Variants in PLCL1 observed in about 807,000 individuals in gnomAD.
The protein encoded by PLCL1 is inactive phospholipase C-like protein 1.
Under a neutral mutation model 84.4 loss-of-function variants are expected in PLCL1, and 41 were observed. The ratio of observed to expected loss-of-function variants is 0.49; its 90% CI spans 0.38 to 0.63. The LOEUF is 0.63. Among genes scored for constraint, PLCL1 ranks in the 30% least tolerant of loss-of-function variants. The pLI, the probability that PLCL1 is intolerant of heterozygous loss-of-function variation, is 0.00. For missense variants in PLCL1, 1,206 were observed against 1,367.8 expected, an observed-to-expected ratio of 0.88 and a Z score of 1.87; for synonymous variants, 490 against 488.3, an observed-to-expected ratio of 1.00 and a Z score of -0.05.
chr2:197,865,049 C>A (rs1375256054), intron 1 of PLCL1, among the ~76,000 whole-genome samples: 3 of 152,122 alleles, frequency 2.0e-5, no homozygotes, highest in Non-Finnish European at 4.4e-5. Flanking sequence ...TACTTTAGTG[C>A]CCAATTAGAG....
intron 1 of PLCL1, among the ~76,000 whole-genome samples, chr2:198,047,069 TA>T (rs1465101612): frequency 6.6e-6 from 1 of 152,146 alleles, no homozygotes; most frequent in Non-Finnish European, 1.5e-5. Context: ...GCCAGGGTTC[TA>T]AAGGAATCTA....
chr2:198,110,530 C>A (rs774135020), intron 5 of PLCL1, among the ~76,000 whole-genome samples: 3 of 151,806 alleles, frequency 2.0e-5, no homozygotes, highest in Non-Finnish European at 4.4e-5. Context: ...CATTTGAAGT[C>A]TCTGTTCATT....
chr2:198,085,938 G>A lies in PLCL1; in HGVS notation c.2421G>A (p.Glu807=). 2.5e-6 allele frequency: 4 copies of A among 1,614,122 alleles called. No individual in the cohort carries two copies. The highest frequency in any genetic ancestry group is 1.1e-5 in the South Asian group (1 of 91,068). Residue 807 remains glutamate (E), a synonymous_variant, in exon 2 of 6, where the codon GAG becomes GAA. Coordinates refer to ENST00000428675, the MANE Select transcript of PLCL1 (RefSeq NM_006226.4). This position sits in a 1 kb window ranked among gnomAD's most constrained non-coding sequence, Gnocchi z 5.3. The part of the protein sequence containing the change: ...VVLDDDYIGD[E]FIGQYTIPFE... ...TGGATGATGACTACATTGGGGATGA[G>A]TTTATAGGGCAATATACGATACCAT... is the stretch of plus-strand genomic sequence containing the variant.
chr2:197,961,238 G>GGAGAGAGAGAGAGA (rs60411488), intron 1 of PLCL1, among the ~76,000 whole-genome samples: 12,231 of 145,720 alleles, frequency 0.084, 577 homozygotes, highest in Middle Eastern at 0.12. Flanking sequence ...TTGGGAAGGT[G>GGAGAGAGAGAGAGA]GAGAGAGAGA....
chr2:197,933,029 T>C (rs1688972902), intron 1 of PLCL1, among the ~76,000 whole-genome samples: 1 of 152,176 alleles, frequency 6.6e-6, no homozygotes, highest in South Asian at 2.1e-4. Flanking sequence ...AAAGTATGTG[T>C]GAGAGGAGCA....
intron 1 of PLCL1, among the ~76,000 whole-genome samples, chr2:198,009,107 T>C (rs1690804620): frequency 6.6e-6 from 1 of 152,034 alleles, no homozygotes; most frequent in Non-Finnish European, 1.5e-5. Context: ...TTCAGATATA[T>C]TATTTGCAAT....
intron 1 of PLCL1, among the ~76,000 whole-genome samples, chr2:197,894,173 T>G (rs1482325075): frequency 2.6e-5 from 4 of 152,038 alleles, no homozygotes. Flanking sequence ...CATGCCCCGT[T>G]CCTGCCTTAT....
chr2:197,805,261 C>A lies in PLCL1; in HGVS notation c.162C>A (p.Ala54=). 7.9e-7 allele frequency: 1 copy of A among 1,272,496 alleles called. No individual in the cohort carries two copies. The highest frequency in any genetic ancestry group is 9.9e-7 in the Non-Finnish European group (1 of 1,010,824). The allele number at this position is 1,272,496 out of a possible 1,614,324, so 78.8% of individuals were successfully genotyped here. The change falls in exon 1 of 6, where the codon GCC becomes GCA. Residue 54 remains alanine (A), a synonymous_variant. Transcript: ENST00000428675. This position sits in a 1 kb window ranked among gnomAD's most constrained non-coding sequence, Gnocchi z 4.0. The part of the protein sequence containing the change: ...DRRSGVALPG[A]AGTPADSEAG... The stretch of plus-strand genomic sequence containing the variant: ...GCAGCGGGGTCGCACTGCCAGGCGC[C>A]GCGGGGACCCCAGCGGACAGCGAGG...
chr2:198,034,790 G>C (rs1691516732), intron 1 of PLCL1, among the ~76,000 whole-genome samples: 1 of 152,180 alleles, frequency 6.6e-6, no homozygotes, highest in Non-Finnish European at 1.5e-5. Context: ...AGGATCACAT[G>C]TTGTGTTGTG....
At chr2:197,979,736 T>C (rs1010940295) in intron 1 of PLCL1, among the ~76,000 whole-genome samples, 1 of 152,344 alleles carries the variant, frequency 6.6e-6, no homozygotes, top group Admixed American at 6.5e-5. Context: ...AGATTTTCAC[T>C]ACTCCCAGAA....
chr2:197,895,150 T>G (rs1025692587), intron 1 of PLCL1, among the ~76,000 whole-genome samples: 3 of 151,900 alleles, frequency 2.0e-5, no homozygotes, highest in African/African-American at 7.2e-5. Flanking sequence ...CAGATAAAAT[T>G]GTCATAAGTT....
At chr2:198,136,438 T>C (rs1694257263) in intron 5 of PLCL1, among the ~76,000 whole-genome samples, 1 of 152,068 alleles carries the variant, frequency 6.6e-6, no homozygotes, top group Admixed American at 6.5e-5. Flanking sequence ...GAGTGGAGCT[T>C]ATGCTGTAAA....
chr2:197,994,943 G>A (rs1690427538), intron 1 of PLCL1, among the ~76,000 whole-genome samples: 1 of 152,144 alleles, frequency 6.6e-6, no homozygotes, highest in South Asian at 2.1e-4. Context: ...TCATCTCCAT[G>A]CAGAAGCAAG....
At chr2:197,847,586 C>G (rs700682) in intron 1 of PLCL1, among the ~76,000 whole-genome samples, 1 of 152,024 alleles carries the variant, frequency 6.6e-6, no homozygotes, top group African/African-American at 2.4e-5. Flanking sequence ...CCTAAGAGAC[C>G]CAGATATTTG....
chr2:198,114,016 G>T (rs949875261), intron 5 of PLCL1, among the ~76,000 whole-genome samples: 1 of 150,962 alleles, frequency 6.6e-6, no homozygotes, highest in Non-Finnish European at 1.5e-5. Context: ...GAGAGAGAGA[G>T]TTATATAATA....
At chr2:197,893,922 C>G (rs979808447) in intron 1 of PLCL1, among the ~76,000 whole-genome samples, 3 of 151,842 alleles carry the variant, frequency 2.0e-5, no homozygotes, top group African/African-American at 7.2e-5. Flanking sequence ...TTTGCTCTGC[C>G]GTTTTGCATA....
At chr2:197,856,936 G>A (rs1014277837) in intron 1 of PLCL1, among the ~76,000 whole-genome samples, 1 of 151,758 alleles carries the variant, frequency 6.6e-6, no homozygotes, top group Non-Finnish European at 1.5e-5. Flanking sequence ...ACTTTAAGAC[G>A]ATTGTATATT....
At chr2:197,960,097 GTTCCCTTCTCTGGGTTCCTCAGA>G (rs1439850852) in intron 1 of PLCL1, among the ~76,000 whole-genome samples, 1 of 152,058 alleles carries the variant, frequency 6.6e-6, no homozygotes, top group Non-Finnish European at 1.5e-5. Context: ...CGTTCCCAGA[GTTCCCTTCTCTGGGTTCCTCAGA>G]TCACTGCCTT....
At chr2:197,907,086 G>A (rs1157007522) in intron 1 of PLCL1, among the ~76,000 whole-genome samples, 1 of 144,880 alleles carries the variant, frequency 6.9e-6, no homozygotes, top group African/African-American at 2.6e-5. Context: ...ACATCATACC[G>A]AATGGGCAAA....
Sources: allele counts gnomAD v4.1 joint callset (sites outside exome capture counted in the v4.1 genomes callset), GRCh38; gene constraint gnomAD v4.1.1; non-coding constraint Gnocchi (gnomAD v3.1); transcripts MANE v1.5; gene names NCBI Gene and HGNC (gene_info 2026-07-23, HGNC 2026-07-21).